The following LMBR1 variants were observed in gnomAD, a reference collection of about 807,000 sequenced individuals.
The protein encoded by LMBR1 is limb development membrane protein 1.
In LMBR1, 52 loss-of-function variants were observed where a neutral mutation model predicts 73.9. The ratio of observed to expected loss-of-function variants is 0.70; its 90% CI spans 0.56 to 0.89. LMBR1 has a LOEUF of 0.89. Ranked by LOEUF, LMBR1 falls within the 40% of genes least tolerant of loss-of-function variation. The pLI, the probability that LMBR1 is intolerant of heterozygous loss-of-function variation, is 0.00. For missense variants in LMBR1, 539 were observed against 579.8 expected (o/e 0.93, Z 0.72); for synonymous variants, 215 against 209.4 (o/e 1.03, Z -0.23).
chr7:156,873,701 C>G (rs1252949252), intron 1 of LMBR1, among the ~76,000 whole-genome samples: 1 of 152,132 alleles, frequency 6.6e-6, no homozygotes, highest in South Asian at 2.1e-4. Context: ...TACAGAGTGT[C>G]GATTGGTGCA....
intron 9 of LMBR1, among the ~76,000 whole-genome samples, chr7:156,741,561 G>T (rs573540732): frequency 6.6e-6 from 1 of 152,062 alleles, no homozygotes; most frequent in African/African-American, 2.4e-5. Flanking sequence ...GACACAGAAG[G>T]TCACTACATG....
chr7:156,877,098 AAG>A (rs1288743505), intron 1 of LMBR1, among the ~76,000 whole-genome samples: 1 of 152,174 alleles, frequency 6.6e-6, no homozygotes, highest in East Asian at 1.9e-4. Flanking sequence ...CCAAGAAAAT[AAG>A]AGAGGATTCG....
chr7:156,802,060 G>A (rs954190172), intron 4 of LMBR1, among the ~76,000 whole-genome samples: 80 of 151,708 alleles, frequency 5.3e-4, no homozygotes, highest in Non-Finnish European at 2.9e-4. Context: ...TCGGCTCACC[G>A]CAATCTCCGC....
chr7:156,840,870 C>A (rs1838565427), intron 1 of LMBR1, among the ~76,000 whole-genome samples: 1 of 145,296 alleles, frequency 6.9e-6, no homozygotes, highest in African/African-American at 2.6e-5. Context: ...GGGGCTGAGG[C>A]AGGAGAATGG....
At chr7:156,766,787 T>C (rs903840080) in intron 5 of LMBR1, among the ~76,000 whole-genome samples, 13 of 152,150 alleles carry the variant, frequency 8.5e-5, no homozygotes, top group Admixed American at 8.5e-4. Context: ...CTGAGCCCAC[T>C]GCTGGCTAGG....
intron 10 of LMBR1, among the ~76,000 whole-genome samples, chr7:156,733,162 A>C (rs1204493398): frequency 1.3e-5 from 2 of 152,162 alleles, no homozygotes; most frequent in Non-Finnish European, 2.9e-5. Flanking sequence ...AAAACAAAAC[A>C]AAACAAAAAG....
intron 1 of LMBR1, among the ~76,000 whole-genome samples, chr7:156,863,570 G>A (rs1369767480): frequency 1.3e-5 from 2 of 152,110 alleles, no homozygotes; most frequent in African/African-American, 2.4e-5. Context: ...GGTAAAATTT[G>A]CTTATGTTCG....
At chr7:156,870,318 A>C (rs1799082992) in intron 1 of LMBR1, among the ~76,000 whole-genome samples, 2 of 152,232 alleles carry the variant, frequency 1.3e-5, no homozygotes, top group African/African-American at 4.8e-5. Context: ...TAGGTAACAA[A>C]ACAAGCCTTA....
rs192854251 is a variant in LMBR1 at position 156,680,846 on chromosome 7, C to A, written c.*3232G>T. The A allele has an allele frequency of 1.5e-3, 295 of 203,438 alleles. 1 individual carries two copies. Among genetic ancestry groups the A allele is most frequent in the African/African-American group, 6.7e-3 (281 of 41,864 alleles). The allele number at this position is 203,438 out of a possible 1,614,324, so 12.6% of individuals were successfully genotyped here. On this transcript the variant is annotated 3_prime_UTR_variant, in exon 17 of 17. Coordinates refer to ENST00000353442, the MANE Select transcript of LMBR1 (RefSeq NM_022458.4). ...TGGAAAAAACAAAAGAACAAATAAA[C>A]CCCACATATAAATGCTTATAAACCA...
intron 1 of LMBR1, among the ~76,000 whole-genome samples, chr7:156,882,418 A>C (rs776347850): frequency 1.3e-5 from 2 of 152,218 alleles, no homozygotes; most frequent in Non-Finnish European, 2.9e-5. Context: ...AAAAAGAGTG[A>C]GACTCCATCT....
In LMBR1 at chr7:156,893,003, T is replaced by G; in HGVS notation, c.-10A>C. The G allele has an allele frequency of 4.0e-6, 6 of 1,517,650 alleles. No homozygotes were observed. Among genetic ancestry groups the G allele is most frequent in the Non-Finnish European group, 5.3e-6 (6 of 1,139,994 alleles). The allele number at this position is 1,517,650 out of a possible 1,614,324, so 94.0% of individuals were successfully genotyped here. A position where few individuals can be genotyped will look rare whatever the true frequency, so the allele number is the denominator to read the frequency against. On this transcript the variant is annotated 5_prime_UTR_variant, in exon 1 of 17. The change abolishes an upstream ATG in the 5' untranslated region. Coordinates refer to ENST00000353442, the MANE Select transcript of LMBR1 (RefSeq NM_022458.4). ...CGTCCTGCCCTTCCATCCTCCTTCA[T>G]GCCCGCCGCCGCGCCGCCCGCGTCC...
At chr7:156,788,631 A>AAAACT (rs1828603270) in intron 5 of LMBR1, among the ~76,000 whole-genome samples, 1 of 151,880 alleles carries the variant, frequency 6.6e-6, no homozygotes, top group East Asian at 1.9e-4. Context: ...TTAAAGAAAA[A>AAAACT]AAAAATACTC....
intron 3 of LMBR1, among the ~76,000 whole-genome samples, chr7:156,827,160 TA>T (rs1421035647): frequency 3.9e-5 from 6 of 151,906 alleles, no homozygotes; most frequent in South Asian, 2.1e-4. Flanking sequence ...GAAAGCAGTA[TA>T]AAAAAACAAA....
chr7:156,745,923 AGGAGG>A (rs549535333), intron 9 of LMBR1, among the ~76,000 whole-genome samples: 1 of 152,212 alleles, frequency 6.6e-6, no homozygotes, highest in Non-Finnish European at 1.5e-5. Flanking sequence ...TATTTATGAG[AGGAGG>A]GATAAAGCTA....
intron 14 of LMBR1, among the ~76,000 whole-genome samples, chr7:156,724,846 A>C (rs1815377476): frequency 6.6e-6 from 1 of 151,776 alleles, no homozygotes; most frequent in Admixed American, 6.6e-5. Context: ...AAAAATATAA[A>C]ATAAAAACAA....
In LMBR1 at chr7:156,719,089, C is replaced by T. The variant is rs182378877; in HGVS notation, c.1225+5023G>A. On this transcript the variant is annotated intron_variant, in intron 15 of 16. Coordinates refer to ENST00000353442, the MANE Select transcript of LMBR1 (RefSeq NM_022458.4). ...TGCTGGTGTGCTGCACCCATTAACT[C>T]GTCATTTAGCATTAGGTATATCTCC... 2.6e-3 allele frequency among the ~76,000 whole-genome samples: 395 copies of T among 151,250 alleles called. 3 individuals carry two copies. Among genetic ancestry groups the T allele is most frequent in the African/African-American group, 9.0e-3 (372 of 41,186 alleles).
At chr7:156,785,064 C>G (rs1044104035) in intron 5 of LMBR1, among the ~76,000 whole-genome samples, 2 of 152,154 alleles carry the variant, frequency 1.3e-5, no homozygotes, top group African/African-American at 4.8e-5. Flanking sequence ...ACACTAATTA[C>G]AGTAAAACAA....
At chr7:156,844,314 A>T (rs1284387491) in intron 1 of LMBR1, among the ~76,000 whole-genome samples, 1 of 151,910 alleles carries the variant, frequency 6.6e-6, no homozygotes, top group Non-Finnish European at 1.5e-5. Flanking sequence ...ACAGAACAAG[A>T]CTCCGTCTCA....
rs906292586 is a variant in LMBR1, at chr7:156,669,571, CCT to C, written n.867-286_867-285del. Among the ~76,000 whole-genome samples, 1 of 152,156 alleles carries C rather than the reference CCT, an allele frequency of 6.6e-6. No homozygotes were observed. Among genetic ancestry groups the C allele is most frequent in the African/African-American group, 2.4e-5 (1 of 41,442 alleles). ...AGGTGACCCTTCCAGGACCCAGACC[CCT>C]GTGAGGCCCTGAGCTGGGCGCTGAG... On this transcript the variant is annotated intron_variant and non_coding_transcript_variant, in intron 4 of 4. Coordinates refer to the LMBR1 transcript ENST00000430825. The surrounding 1 kb of genome is among the most constrained non-coding windows in gnomAD (Gnocchi z 4.2).
Sources: allele counts gnomAD v4.1 joint callset (sites outside exome capture counted in the v4.1 genomes callset), GRCh38; gene constraint gnomAD v4.1.1; non-coding constraint Gnocchi (gnomAD v3.1); transcripts MANE v1.5; gene names NCBI Gene and HGNC (gene_info 2026-07-23, HGNC 2026-07-21).